Variants in USH2A observed in about 807,000 individuals in gnomAD.
The protein encoded by USH2A is Usher syndrome 2A (autosomal recessive, mild).
Under a neutral mutation model 538.9 loss-of-function variants are expected in USH2A, and 443 were observed. That is an observed-to-expected ratio of 0.82 (90% confidence interval 0.76 to 0.89). The LOEUF is 0.89. USH2A is among the 40% of genes least tolerant of loss of function. The pLI is 0.00. For synonymous variants in USH2A, 2,413 were observed against 2,273.5 expected, an observed-to-expected ratio of 1.06 and a Z score of -1.75; for missense variants, 6,633 against 6,324.8, an observed-to-expected ratio of 1.05 and a Z score of -1.65.
chr1:216,044,651 T>C (rs1363504254), intron 32 of USH2A, among the ~76,000 whole-genome samples: 1 of 152,122 alleles, frequency 6.6e-6, no homozygotes, highest in African/African-American at 2.4e-5. Context: ...TACTGGAAAA[T>C]GTAATTAACA....
At chr1:216,154,582 C>T (rs1016809043) in intron 21 of USH2A, among the ~76,000 whole-genome samples, 6 of 152,050 alleles carry the variant, frequency 3.9e-5, no homozygotes, top group Admixed American at 6.6e-5. Flanking sequence ...TGGTTCAGTT[C>T]GATATGTTTT....
At chr1:216,063,758 G>C (rs2031259782) in intron 30 of USH2A, among the ~76,000 whole-genome samples, 1 of 152,062 alleles carries the variant, frequency 6.6e-6, no homozygotes, top group Non-Finnish European at 1.5e-5. Flanking sequence ...AATGTCATTG[G>C]AATTTTTTGT....
In USH2A at chr1:216,365,014, A is replaced by G. The variant is rs571744403; in HGVS notation, c.723T>C (p.Thr241=). Residue 241 remains threonine (T), a synonymous_variant, in exon 4 of 72, where the codon ACT becomes ACC. Coordinates refer to ENST00000307340, the MANE Select transcript of USH2A (RefSeq NM_206933.4). ...CAAAATCTGTAATTGAACCACTTAG[A>G]GTTCTTGCATTGAAAGGTGTATGAT... ...EKDHTPFNAR[T]LSGSITDFAS... The G allele has an allele frequency of 4.9e-5, 79 of 1,613,754 alleles. No homozygotes were observed. The East Asian group carries it at 1.7e-3, about 34-fold the overall frequency.
intron 21 of USH2A, among the ~76,000 whole-genome samples, chr1:216,124,952 C>CAG (rs35784680): frequency 0.34 from 51,123 of 151,796 alleles, 9,470 homozygotes; most frequent in East Asian, 0.73. Flanking sequence ...TTCTAGTTAA[C>CAG]AGGTTTATTC....
intron 3 of USH2A, among the ~76,000 whole-genome samples, chr1:216,409,943 G>A (rs755146103): frequency 6.6e-5 from 10 of 152,110 alleles, no homozygotes; most frequent in Non-Finnish European, 1.3e-4. Flanking sequence ...TAGAGTGAGA[G>A]AAAAGTTTTG....
chr1:216,246,635 C>A lies in USH2A; in HGVS notation c.2759G>T (p.Cys920Phe). The A allele has an allele frequency of 6.2e-7, 1 of 1,614,096 alleles. No individual in the cohort carries two copies. Among genetic ancestry groups the A allele is most frequent in the Non-Finnish European group, 8.5e-7 (1 of 1,179,968 alleles). ...TCCTTGACGATTAGGCACACACAGGCACTGGCCACTGATTGGGTCACAAAT... is the reference window on the plus strand; with the variant it reads ...TCCTTGACGATTAGGCACACACAGGAACTGGCCACTGATTGGGTCACAAAT... The part of the protein sequence containing the change: ...GTICDPISGQ[C>F]LCVPNRQGRR... The change falls in exon 13 of 72, where the codon TGC becomes TTC. Residue 920 changes from cysteine to phenylalanine, a missense_variant. By Grantham distance (205) the Cys-to-Phe change is radical (BLOSUM62 -2). Coordinates refer to ENST00000307340, the MANE Select transcript of USH2A (RefSeq NM_206933.4).
At chr1:215,885,002 A>G (rs1162887914) in intron 41 of USH2A, among the ~76,000 whole-genome samples, 2 of 152,188 alleles carry the variant, frequency 1.3e-5, no homozygotes, top group African/African-American at 4.8e-5. Flanking sequence ...TCATGATGTT[A>G]TCATAAAAGA....
At position 216,206,542 on chromosome 1, in the gene USH2A, G is replaced by A. The variant is rs183900331; in HGVS notation, c.3316+731C>T. Among the ~76,000 whole-genome samples, 26 of 152,206 alleles carry A rather than the reference G, an allele frequency of 1.7e-4. 1 individual carries two copies. Among genetic ancestry groups the A allele is most frequent in the Admixed American group, 5.9e-4 (9 of 15,288 alleles). On this transcript the variant is annotated intron_variant, in intron 16 of 71. Transcript: ENST00000307340. ...GCAGGGCTCAGGCAGTAATGTCGCC[G>A]GCCTGCTGCTCACCTCCTGCTGTGT...
intron 15 of USH2A, among the ~76,000 whole-genome samples, chr1:216,216,062 T>C (rs939742333): frequency 3.9e-5 from 6 of 152,142 alleles, no homozygotes; most frequent in Non-Finnish European, 7.4e-5. Context: ...AATTCCATTA[T>C]AAATGACGAT....
rs75425432 is a variant in USH2A at position 215,711,794 on chromosome 1, T to C, written c.12066+16236A>G. 3.9e-3 allele frequency among the ~76,000 whole-genome samples: 592 copies of C among 152,318 alleles called. 4 individuals carry two copies. Among genetic ancestry groups the C allele is most frequent in the African/African-American group, 0.014 (566 of 41,570 alleles). On this transcript the variant is annotated intron_variant, in intron 61 of 71. Transcript: ENST00000307340. ...CACACTGTAATGTGCTGACAACATA[T>C]TGACCACACTCTATTTCACAAGATT...
intron 12 of USH2A, among the ~76,000 whole-genome samples, chr1:216,248,981 G>T (rs1157116459): frequency 6.6e-6 from 1 of 152,008 alleles, no homozygotes; most frequent in African/African-American, 2.4e-5. Context: ...TTTTACTGGT[G>T]ATAGAATCAT....
At chr1:215,907,511 T>A (rs1665670509) in intron 38 of USH2A, among the ~76,000 whole-genome samples, 1 of 152,058 alleles carries the variant, frequency 6.6e-6, no homozygotes, top group South Asian at 2.1e-4. Flanking sequence ...GAATGCCTTT[T>A]AAACTTACAC....
At chr1:216,109,776 C>T (rs1054323309) in intron 21 of USH2A, among the ~76,000 whole-genome samples, 1 of 152,150 alleles carries the variant, frequency 6.6e-6, no homozygotes, top group Non-Finnish European at 1.5e-5. Flanking sequence ...TTATGTCCAA[C>T]TTTTAAACTC....
At chr1:215,700,575 A>T in intron 61 of USH2A, among the ~76,000 whole-genome samples, 1 of 151,918 alleles carries the variant, frequency 6.6e-6, no homozygotes, top group South Asian at 2.1e-4. Flanking sequence ...TTTCTTCTAG[A>T]TTTTCTAGTT....
Position 215,888,833 on chromosome 1 carries a change from T to TA in USH2A, c.7815_7816insT (p.Lys2606Ter). On this transcript the variant is annotated frameshift_variant, in exon 41 of 72. Transcript: ENST00000307340. LOFTEE classifies it high-confidence loss of function. ...GACTCTGGTGAAAGGGAACATCCTT[T>TA]TGAAGTGCAGGCTTCTACCTGAAAC... is the stretch of plus-strand genomic sequence containing the variant. The TA allele has an allele frequency of 6.2e-7, 1 of 1,614,122 alleles. No individual in the cohort carries two copies. The highest frequency in any genetic ancestry group is 8.5e-7 in the Non-Finnish European group (1 of 1,180,004).
chr1:216,084,624 C>T (rs2032062732), intron 25 of USH2A, 74 bp downstream of exon 25: 1 of 1,540,258 alleles, frequency 6.5e-7, no homozygotes, highest in African/African-American at 1.4e-5. Flanking sequence ...GTTAATCAAA[C>T]AGGAGAGATT....
intron 60 of USH2A, among the ~76,000 whole-genome samples, chr1:215,730,106 A>T (rs181161626): frequency 6.6e-6 from 1 of 152,308 alleles, no homozygotes; most frequent in Non-Finnish European, 1.5e-5. Context: ...TTGGTACTAA[A>T]TATATATAGC....
intron 63 of USH2A, among the ~76,000 whole-genome samples, chr1:215,672,908 C>T (rs1657871251): frequency 6.6e-6 from 1 of 152,176 alleles, no homozygotes; most frequent in Non-Finnish European, 1.5e-5. Context: ...AAAAGCATTC[C>T]TTTCATGCCT....
At chr1:215,794,041 A>C (rs1018482199) in intron 50 of USH2A, among the ~76,000 whole-genome samples, 5 of 152,246 alleles carry the variant, frequency 3.3e-5, no homozygotes, top group African/African-American at 9.6e-5. Context: ...CTATTCAAAG[A>C]AAATGGCTAA....
Sources: allele counts gnomAD v4.1 joint callset (sites outside exome capture counted in the v4.1 genomes callset), GRCh38; gene constraint gnomAD v4.1.1; transcripts MANE v1.5; gene names NCBI Gene and HGNC (gene_info 2026-07-23, HGNC 2026-07-21).